The following ANKLE2 variants were observed in gnomAD, a reference collection of about 807,000 sequenced individuals.
ANKLE2 encodes the protein ankyrin repeat and LEM domain-containing protein 2.
ANKLE2 carries 55 observed loss-of-function variants against 84.2 expected under a neutral mutation model. That is an observed-to-expected ratio of 0.65 (90% confidence interval 0.53 to 0.82). The LOEUF is 0.82. Among genes scored for constraint, ANKLE2 ranks in the 40% least tolerant of loss-of-function variants. The pLI is 0.00. For synonymous variants in ANKLE2, 551 were observed against 486.1 expected (o/e 1.13, Z -1.76); for missense variants, 1,238 against 1,201.9 (o/e 1.03, Z -0.44).
chr12:132,730,587 CCATGGCAGGGGGG>C (rs2043822061), intron 10 of ANKLE2: 4 of 349,338 alleles, frequency 1.1e-5, no homozygotes, highest in Non-Finnish European at 2.1e-5. Flanking sequence ...CTCTGGGAGG[CCATGGCAGGGGGG>C]TCGCTGGACC....
chr12:132,736,797 C>T (rs1593151013), intron 8 of ANKLE2, 96 bp downstream of exon 8: 2 of 1,427,948 alleles, frequency 1.4e-6, no homozygotes, highest in Non-Finnish European at 1.9e-6. Flanking sequence ...AGGACATGGT[C>T]CCTGAGACCA....
chr12:132,736,722 G>A lies in ANKLE2; in HGVS notation c.1593+171C>T, dbSNP rs140315668. On this transcript the variant is annotated intron_variant, in intron 8 of 12. Coordinates refer to ENST00000357997, the MANE Select transcript of ANKLE2 (RefSeq NM_015114.3). ...CAGAGCCAAGAACACACATTTCTCT[G>A]ACAAACGTTCTCATCACCAATCACT... 4.5e-4 allele frequency among the ~76,000 whole-genome samples: 69 copies of A among 152,372 alleles called. No individual in the cohort carries two copies. In the East Asian group the frequency reaches 6.6e-3, roughly 14 times the overall value.
chr12:132,754,302 T>C (rs1400088292), intron 2 of ANKLE2, among the ~76,000 whole-genome samples: 1 of 152,182 alleles, frequency 6.6e-6, no homozygotes, highest in Non-Finnish European at 1.5e-5. Flanking sequence ...CTGAAAAGTA[T>C]TTATACACTC....
chr12:132,761,533 C>T (rs1010995365), intron 1 of ANKLE2, 85 bp downstream of exon 1: 16 of 1,099,688 alleles, frequency 1.5e-5, no homozygotes, highest in Admixed American at 4.5e-5. Context: ...GCTCCAGGGG[C>T]GCGGCCGGGA....
intron 9 of ANKLE2, 92 bp downstream of exon 9, chr12:132,735,314 T>C: frequency 8.7e-7 from 1 of 1,150,450 alleles, no homozygotes; most frequent in African/African-American, 1.5e-5. Context: ...TTCTGGAAAT[T>C]GGTACTTTGA....
At chr12:132,757,804 C>T (rs2044517316) in intron 1 of ANKLE2, 1 of 151,628 alleles carries the variant, frequency 6.6e-6, no homozygotes, top group South Asian at 2.1e-4. Flanking sequence ...GCCTGGGCGA[C>T]AGAGCGAGAC....
intron 6 of ANKLE2, 154 bp from the exon 7 acceptor site, chr12:132,741,639 G>T: frequency 1.3e-6 from 1 of 750,860 alleles, no homozygotes; most frequent in Non-Finnish European, 2.2e-6. Flanking sequence ...AACGTGTGAA[G>T]AGTGTGGTCT....
intron 9 of ANKLE2, 75 bp downstream of exon 9, chr12:132,735,331 G>A: frequency 2.2e-6 from 3 of 1,338,236 alleles, no homozygotes; most frequent in East Asian, 4.6e-5. Flanking sequence ...TTGAAGCTGT[G>A]ATTTGACCTT....
chr12:132,736,767 G>A (rs1409409437), intron 8 of ANKLE2, 126 bp downstream of exon 8: 18 of 1,150,626 alleles, frequency 1.6e-5, no homozygotes, highest in Non-Finnish European at 2.1e-5. Flanking sequence ...TTTGAGATGA[G>A]GACAACCTTG....
intron 3 of ANKLE2, 80 bp downstream of exon 3, chr12:132,750,563 A>C: frequency 6.7e-7 from 1 of 1,487,658 alleles, no homozygotes. Context: ...ACAAGTTACC[A>C]CATCAGAGGA....
Position 132,729,745 on chromosome 12 carries a change from C to T in ANKLE2, c.2417G>A (p.Ser806Asn), listed in dbSNP as rs1449419342. 1 of 1,611,584 alleles carries T rather than the reference C, an allele frequency of 6.2e-7. No homozygotes were observed. The highest frequency in any genetic ancestry group is 2.2e-5 in the East Asian group (1 of 44,768). Residue 806 changes from serine (S) to asparagine (N), a missense_variant, in exon 11 of 13, where the codon AGC becomes AAC. Around this residue, in one of 3 missense-constraint regions of ANKLE2, gnomAD observed 802 missense variants for 774.5 expected, o/e 1.04. Transcript: ENST00000357997. The stretch of plus-strand genomic sequence containing the variant: ...GAGCTGATCCTCGTGCCTGGGGCTG[C>T]TGGGACTCAAGGACATTTTAGCGAT... ...ARIAKMSLSP[S>N]SPRHEDQLEV...
chr12:132,729,890 T>G lies in ANKLE2; in HGVS notation c.2272A>C (p.Thr758Pro). The change falls in exon 11 of 13, where the codon ACT becomes CCT. Residue 758 changes from threonine (T) to proline (P), a missense_variant. Thr to Pro is a conservative substitution (Grantham distance 38). Around this residue, in one of 3 missense-constraint regions of ANKLE2, gnomAD observed 802 missense variants for 774.5 expected, o/e 1.04. Transcript: ENST00000357997. ...CTTGAAGTCAGGATCTGATCTTTAG[T>G]TTTTGTACTTTCATCTGGTGTCTTG... ...VSKTPDESTKTKDQILTSRIN... is the reference protein window; with the variant it reads ...VSKTPDESTKPKDQILTSRIN... 1 of 1,613,704 alleles carries G rather than the reference T, an allele frequency of 6.2e-7. No homozygotes were observed. The highest frequency in any genetic ancestry group is 8.5e-7 in the Non-Finnish European group (1 of 1,179,886).
intron 10 of ANKLE2, chr12:132,731,118 A>G (rs1445190853): frequency 6.6e-6 from 1 of 152,240 alleles, no homozygotes; most frequent in Non-Finnish European, 1.5e-5. Flanking sequence ...GGTGTTCACG[A>G]TGGTGGCCGC....
rs549427028 is a variant in ANKLE2, at chr12:132,752,674, G to A, written c.641-1825C>T. Among the ~76,000 whole-genome samples the A allele has an allele frequency of 5.9e-5, 9 of 151,956 alleles. No individual in the cohort carries two copies. The East Asian group carries it at 1.2e-3, about 20-fold the overall frequency. Reference sequence around the variant, plus strand: ...GTGAGCCACCGCGCCCGGCCCCTACGTATTCTTTAAAAAGATCTTACAGAA... The same window carrying A: ...GTGAGCCACCGCGCCCGGCCCCTACATATTCTTTAAAAAGATCTTACAGAA... On this transcript the variant is annotated intron_variant, in intron 2 of 12. Transcript: ENST00000357997.
chr12:132,729,764 T>C lies in ANKLE2; in HGVS notation c.2398A>G (p.Lys800Glu). Residue 800 changes from lysine to glutamate, a missense_variant, in exon 11 of 13, where the codon AAA becomes GAA. By Grantham distance (56) the Lys-to-Glu change is moderately conservative. Transcript: ENST00000357997. ...TESEMSARIA[K>E]MSLSPSSPRH... The stretch of plus-strand genomic sequence containing the variant: ...GGGCTGCTGGGACTCAAGGACATTT[T>C]AGCGATCCTGGCTGACATTTCACTT... 1.2e-6 allele frequency: 2 copies of C among 1,612,314 alleles called. No homozygotes were observed. The highest frequency in any genetic ancestry group is 1.7e-6 in the Non-Finnish European group (2 of 1,179,628).
At chr12:132,746,364 A>AAAAAAAAAAAC (rs2044239640) in intron 5 of ANKLE2, among the ~76,000 whole-genome samples, 1 of 151,740 alleles carries the variant, frequency 6.6e-6, no homozygotes, top group Non-Finnish European at 1.5e-5. Flanking sequence ...AAAAAAAAAA[A>AAAAAAAAAAAC]AAAGAATCAG....
intron 5 of ANKLE2, among the ~76,000 whole-genome samples, chr12:132,747,616 G>T (rs1258845715): frequency 6.6e-6 from 1 of 152,162 alleles, no homozygotes; most frequent in Admixed American, 6.5e-5. Flanking sequence ...GGACAGCATC[G>T]CACACACGAC....
intron 10 of ANKLE2, among the ~76,000 whole-genome samples, chr12:132,733,639 C>G (rs544316887): frequency 6.6e-6 from 1 of 151,158 alleles, no homozygotes; most frequent in South Asian, 2.1e-4. Flanking sequence ...TCTCTGCGTC[C>G]TGGTGTCTGA....
At chr12:132,755,905 T>A (rs1164680157) in intron 1 of ANKLE2, 1 of 152,116 alleles carries the variant, frequency 6.6e-6, no homozygotes, top group African/African-American at 2.4e-5. Context: ...AGTGCAGTGG[T>A]GCGATCTCAG....
Sources: allele counts gnomAD v4.1 joint callset (sites outside exome capture counted in the v4.1 genomes callset), GRCh38; gene constraint gnomAD v4.1.1; regional missense constraint gnomAD v4.1.1; transcripts MANE v1.5; gene names NCBI Gene and HGNC (gene_info 2026-07-23, HGNC 2026-07-21).